PIK3R5: variants seen among roughly 807,000 people sequenced by gnomAD.
PIK3R5 encodes the protein phosphoinositide 3-kinase regulatory subunit 5.
A neutral mutation model predicts 94.9 loss-of-function variants in PIK3R5; 32 were observed. The ratio of observed to expected loss-of-function variants is 0.34; its 90% CI spans 0.25 to 0.45. The LOEUF (loss-of-function observed/expected upper bound fraction) is 0.45. PIK3R5 is among the 20% of genes least tolerant of loss of function. The probability of loss-of-function intolerance (pLI) is 1.00; values close to 1 mark genes in which losing one functional copy is unlikely to be tolerated. For synonymous variants in PIK3R5, 443 were observed against 479.4 expected (o/e 0.92, Z 0.99); for missense variants, 853 against 1,144.6 (o/e 0.75, Z 3.68).
At chr17:8,902,293 G>C in intron 5 of PIK3R5, among the ~76,000 whole-genome samples, 1 of 93,614 alleles carries the variant, frequency 1.1e-5, no homozygotes, top group Admixed American at 1.7e-4. Context: ...GTCTCGCTTT[G>C]TCTGCAGGCT....
intron 1 of PIK3R5, among the ~76,000 whole-genome samples, chr17:8,948,117 C>T (rs975636669): frequency 2.7e-5 from 4 of 150,780 alleles, no homozygotes; most frequent in African/African-American, 4.9e-5. Context: ...AAAAAGGACC[C>T]GTAAAGCTAT....
At position 8,923,812 on chromosome 17, in the gene PIK3R5, C is replaced by A. The variant is rs565103834; in HGVS notation, c.-13-12305G>T. Among the ~76,000 whole-genome samples, 10 of 152,088 alleles carry A rather than the reference C, an allele frequency of 6.6e-5. 1 individual carries two copies. Among genetic ancestry groups the A allele is most frequent in the Admixed American group, 3.3e-4 (5 of 15,278 alleles). ...GAAAGGCCAATTACACATATATTGG[C>A]AGCTTTCTGGTTTTTCTGGATGTGG... On this transcript the variant is annotated intron_variant, in intron 1 of 18. Transcript: ENST00000447110.
Position 8,893,773 on chromosome 17 carries a change from G to A in PIK3R5, c.413-118C>T, listed in dbSNP as rs557720646. On this transcript the variant is annotated intron_variant, in intron 5 of 18. Coordinates refer to ENST00000447110, the MANE Select transcript of PIK3R5 (RefSeq NM_001142633.3). This position sits in a 1 kb window ranked among gnomAD's most constrained non-coding sequence, Gnocchi z 5.1. ...TTGGAAATTCCCGGATGGAGCTCAG[G>A]CGAACCTGCAGAGAAGCTGTTCTGT... The A allele has an allele frequency of 4.0e-6, 3 of 747,690 alleles. No homozygotes were observed. In the South Asian group the frequency reaches 4.7e-5, roughly 12 times the overall value. The allele number at this position is 747,690 out of a possible 1,614,324, so 46.3% of individuals were successfully genotyped here. A position where few individuals can be genotyped will look rare whatever the true frequency, so the allele number is the denominator to read the frequency against.
At chr17:8,926,026 T>G (rs1004094073) in intron 1 of PIK3R5, among the ~76,000 whole-genome samples, 1 of 152,030 alleles carries the variant, frequency 6.6e-6, no homozygotes, top group Non-Finnish European at 1.5e-5. Flanking sequence ...ACACCTCCAG[T>G]GTTAAGAGGT....
chr17:8,949,567 G>T lies in PIK3R5; in HGVS notation c.-14+16029C>A, dbSNP rs186083011. ...CAGATTAGAAAATGTTGTCGTCATC[G>T]TGAGGAACAGAAAAAGAAAGGGAGA... On this transcript the variant is annotated intron_variant, in intron 1 of 18. Coordinates refer to ENST00000447110, the MANE Select transcript of PIK3R5 (RefSeq NM_001142633.3). 3.3e-5 allele frequency among the ~76,000 whole-genome samples: 5 copies of T among 152,276 alleles called. No homozygotes were observed. In the East Asian group the frequency reaches 7.7e-4, roughly 23 times the overall value.
chr17:8,881,059 C>A lies in PIK3R5; in HGVS notation c.2383-42G>T. ...GGTCAGCCCCAAATCCCTGGCCATC[C>A]AACACTGCCAGCCCCTGGCAGTTCC... On this transcript the variant is annotated intron_variant, in intron 17 of 18. Coordinates refer to ENST00000447110, the MANE Select transcript of PIK3R5 (RefSeq NM_001142633.3). This position sits in a 1 kb window ranked among gnomAD's most constrained non-coding sequence, Gnocchi z 4.8. The A allele has an allele frequency of 7.1e-7, 1 of 1,409,472 alleles. No individual in the cohort carries two copies. Among genetic ancestry groups the A allele is most frequent in the Non-Finnish European group, 1.0e-6 (1 of 993,086 alleles). The allele number at this position is 1,409,472 out of a possible 1,614,324, so 87.3% of individuals were successfully genotyped here.
At chr17:8,939,884 T>G (rs1381505900) in intron 1 of PIK3R5, among the ~76,000 whole-genome samples, 1 of 152,110 alleles carries the variant, frequency 6.6e-6, no homozygotes, top group Non-Finnish European at 1.5e-5. Flanking sequence ...CCTGCCCCAA[T>G]GTCCTTCCCT....
Position 8,888,041 on chromosome 17 carries a change from T to G in PIK3R5, c.1616+130A>C, listed in dbSNP as rs1009727457. Reference sequence around the variant, plus strand: ...ATAATAATAATAATAATAATAATAATAATAATAAAATAAAAATAAATAAGG... The same window carrying G: ...ATAATAATAATAATAATAATAATAAGAATAATAAAATAAAAATAAATAAGG... On this transcript the variant is annotated intron_variant, in intron 10 of 18. Coordinates refer to ENST00000447110, the MANE Select transcript of PIK3R5 (RefSeq NM_001142633.3). This position sits in a 1 kb window ranked among gnomAD's most constrained non-coding sequence, Gnocchi z 7.8. The G allele has an allele frequency of 7.8e-6, 2 of 257,902 alleles. No individual in the cohort carries two copies. Among genetic ancestry groups the G allele is most frequent in the Non-Finnish European group, 1.4e-5 (2 of 145,430 alleles). 16.0% of individuals were successfully genotyped at this position (257,902 alleles called of 1,614,324 possible).
At chr17:8,886,180 G>C in intron 14 of PIK3R5, 49 bp downstream of exon 14, 1 of 1,426,284 alleles carries the variant, frequency 7.0e-7, no homozygotes, top group Middle Eastern at 1.8e-4. Flanking sequence ...TCCACGTTTC[G>C]CGTCCCAGGC....
At chr17:8,949,562 T>C (rs2091337847) in intron 1 of PIK3R5, among the ~76,000 whole-genome samples, 1 of 152,196 alleles carries the variant, frequency 6.6e-6, no homozygotes, top group African/African-American at 2.4e-5. Context: ...AATGTTGTCG[T>C]CATCGTGAGG....
chr17:8,922,532 C>T (rs1360070805), intron 1 of PIK3R5, among the ~76,000 whole-genome samples: 2 of 152,066 alleles, frequency 1.3e-5, no homozygotes, highest in South Asian at 2.1e-4. Flanking sequence ...TTTCCTATGT[C>T]GTGTTCATAG....
At chr17:8,914,335 G>GGAC (rs537518610) in intron 1 of PIK3R5, among the ~76,000 whole-genome samples, 13 of 152,296 alleles carry the variant, frequency 8.5e-5, no homozygotes, top group African/African-American at 3.1e-4. Context: ...GGATCAGGGA[G>GGAC]GACTTTTTAT....
intron 1 of PIK3R5, among the ~76,000 whole-genome samples, chr17:8,919,106 G>C (rs1225241651): frequency 6.6e-6 from 1 of 152,134 alleles, no homozygotes; most frequent in Non-Finnish European, 1.5e-5. Flanking sequence ...AGACACAAAG[G>C]CTAAATGCAA....
rs454347 is a variant in PIK3R5, at chr17:8,884,837, C to A, written c.2129-54G>T. 203,677 of 1,517,850 alleles carry A rather than the reference C, an allele frequency of 0.13. 17,666 individuals carry two copies. Among genetic ancestry groups the A allele is most frequent in the African/African-American group, 0.37 (27,255 of 73,196 alleles). The allele number at this position is 1,517,850 out of a possible 1,614,324, so 94.0% of individuals were successfully genotyped here. On this transcript the variant is annotated intron_variant, in intron 14 of 18. Transcript: ENST00000447110. This position sits in a 1 kb window ranked among gnomAD's most constrained non-coding sequence, Gnocchi z 5.8. ...TACCCCTGGCTTCCCCGGCTCCTCA[C>A]GAACGCAGTGGCCTTGCCTCCCTGG...
chr17:8,932,329 G>T (rs895639773), intron 1 of PIK3R5, among the ~76,000 whole-genome samples: 2 of 152,012 alleles, frequency 1.3e-5, no homozygotes, highest in Non-Finnish European at 2.9e-5. Context: ...TGCCTCCCAG[G>T]TTTAAGCAAT....
In PIK3R5 at chr17:8,935,064, T is replaced by A. The variant is rs1347699046; in HGVS notation, c.-13-23557A>T. On this transcript the variant is annotated intron_variant, in intron 1 of 18. Coordinates refer to ENST00000447110, the MANE Select transcript of PIK3R5 (RefSeq NM_001142633.3). The surrounding 1 kb of genome is among the most constrained non-coding windows in gnomAD (Gnocchi z 4.5). ...TAATATGCATTCTTCTGTCTTCCAT[T>A]TCCAGGTCACTTCTTCAGGGGAGAT... is the stretch of plus-strand genomic sequence containing the variant. Among the ~76,000 whole-genome samples the A allele has an allele frequency of 6.6e-6, 1 of 152,190 alleles. No homozygotes were observed. Among genetic ancestry groups the A allele is most frequent in the Non-Finnish European group, 1.5e-5 (1 of 68,030 alleles).
At position 8,890,470 on chromosome 17, in the gene PIK3R5, C is replaced by A. The variant is rs868478876; in HGVS notation, c.657+268G>T. Among the ~76,000 whole-genome samples the A allele has an allele frequency of 1.2e-3, 185 of 152,358 alleles. No homozygotes were observed. The highest frequency in any genetic ancestry group is 4.2e-3 in the African/African-American group (174 of 41,584). On this transcript the variant is annotated intron_variant, in intron 7 of 18. Coordinates refer to ENST00000447110, the MANE Select transcript of PIK3R5 (RefSeq NM_001142633.3). The surrounding 1 kb of genome is among the most constrained non-coding windows in gnomAD (Gnocchi z 6.1). ...TAGATGCCAGGTCTTCAGCCCAAAG[C>A]TCATTCTCGTTCTTATGGCATATGC... is the stretch of plus-strand genomic sequence containing the variant.
intron 1 of PIK3R5, among the ~76,000 whole-genome samples, chr17:8,958,546 A>C (rs905617250): frequency 1.3e-5 from 2 of 152,222 alleles, no homozygotes; most frequent in Non-Finnish European, 2.9e-5. Context: ...GAATTGAAGA[A>C]AACGTCCTTC....
chr17:8,892,306 A>G lies in PIK3R5; in HGVS notation c.482+1280T>C, dbSNP rs557323182. On this transcript the variant is annotated intron_variant, in intron 6 of 18. Coordinates refer to ENST00000447110, the MANE Select transcript of PIK3R5 (RefSeq NM_001142633.3). This position sits in a 1 kb window ranked among gnomAD's most constrained non-coding sequence, Gnocchi z 4.3. ...TGTAAGAAAAAGGAGGTGGGCTTGTATAAGCAGCCCCTTACAACCTTGTAA... is the reference window on the plus strand; with the variant it reads ...TGTAAGAAAAAGGAGGTGGGCTTGTGTAAGCAGCCCCTTACAACCTTGTAA... Among the ~76,000 whole-genome samples, 1 of 152,304 alleles carries G rather than the reference A, an allele frequency of 6.6e-6. No homozygotes were observed. The highest frequency in any genetic ancestry group is 6.5e-5 in the Admixed American group (1 of 15,294).
Sources: allele counts gnomAD v4.1 joint callset (sites outside exome capture counted in the v4.1 genomes callset), GRCh38; gene constraint gnomAD v4.1.1; non-coding constraint Gnocchi (gnomAD v3.1); transcripts MANE v1.5; gene names NCBI Gene and HGNC (gene_info 2026-07-23, HGNC 2026-07-21).